CCSER1: variants seen among roughly 807,000 people sequenced by gnomAD.
The protein encoded by CCSER1 is coiled-coil serine rich protein 1, also known as serine-rich coiled-coil domain-containing protein 1.
A neutral mutation model predicts 82.0 loss-of-function variants in CCSER1; 41 were observed. The observed-to-expected ratio is 0.50, with a 90% confidence interval of 0.39 to 0.65. The LOEUF is 0.65. Ranked by LOEUF, CCSER1 falls within the 30% of genes least tolerant of loss-of-function variation. The pLI is 0.00. For synonymous variants in CCSER1, 414 were observed against 383.9 expected (o/e 1.08, Z -0.92); for missense variants, 1,119 against 1,064.2 (o/e 1.05, Z -0.72).
intron 10 of CCSER1, among the ~76,000 whole-genome samples, chr4:91,591,344 G>A (rs1461620276): frequency 6.6e-6 from 1 of 151,868 alleles, no homozygotes; most frequent in Non-Finnish European, 1.5e-5. Context: ...CCAGTATAGG[G>A]ACAATGGCTT....
At chr4:91,228,674 T>C (rs1175011038) in intron 10 of CCSER1, among the ~76,000 whole-genome samples, 2 of 152,112 alleles carry the variant, frequency 1.3e-5, no homozygotes, top group African/African-American at 2.4e-5. Flanking sequence ...ATAAACACTT[T>C]TGTATTGTTT....
chr4:91,015,012 A>C (rs908623019), intron 9 of CCSER1, among the ~76,000 whole-genome samples: 1 of 130,820 alleles, frequency 7.6e-6, no homozygotes, highest in Admixed American at 7.4e-5. Flanking sequence ...ATACAATATC[A>C]ATACAAACTT....
intron 5 of CCSER1, among the ~76,000 whole-genome samples, chr4:90,525,492 T>C (rs1191483515): frequency 6.6e-6 from 1 of 152,094 alleles, no homozygotes; most frequent in Non-Finnish European, 1.5e-5. Flanking sequence ...AAAAGGAAAA[T>C]AGTTAACAAA....
At chr4:91,102,858 A>G (rs1725218089) in intron 10 of CCSER1, among the ~76,000 whole-genome samples, 1 of 152,112 alleles carries the variant, frequency 6.6e-6, no homozygotes, top group Admixed American at 6.5e-5. Flanking sequence ...ATGAGGTTGA[A>G]CTCTTATGAT....
chr4:90,567,835 G>C (rs904524056), intron 5 of CCSER1, among the ~76,000 whole-genome samples: 6 of 151,856 alleles, frequency 4.0e-5, no homozygotes, highest in Admixed American at 3.9e-4. Flanking sequence ...TTGAACTCCT[G>C]GGCTCAAGTG....
chr4:91,401,381 CAT>C (rs901477873), intron 10 of CCSER1, among the ~76,000 whole-genome samples: 85 of 147,704 alleles, frequency 5.8e-4, no homozygotes, highest in Admixed American at 1.6e-3. Context: ...TATAATATAA[CAT>C]ATCAATATAA....
chr4:91,359,447 G>A (rs1749102659), intron 10 of CCSER1, among the ~76,000 whole-genome samples: 1 of 151,690 alleles, frequency 6.6e-6, no homozygotes, highest in African/African-American at 2.4e-5. Flanking sequence ...AATCTCATGT[G>A]GAAAACAGTG....
chr4:90,764,294 T>A (rs1276493427), intron 7 of CCSER1, among the ~76,000 whole-genome samples: 1 of 152,176 alleles, frequency 6.6e-6, no homozygotes, highest in Non-Finnish European at 1.5e-5. Context: ...TGTGTTTTAT[T>A]TGTTTGTTTT....
intron 8 of CCSER1, among the ~76,000 whole-genome samples, chr4:90,846,473 TAC>T (rs199656393): frequency 3.0e-4 from 44 of 145,734 alleles, no homozygotes; most frequent in African/African-American, 1.0e-3. Context: ...TATGTATAGG[TAC>T]ATGTGATATT....
chr4:91,449,314 A>G (rs1346857315), intron 10 of CCSER1, among the ~76,000 whole-genome samples: 4 of 152,020 alleles, frequency 2.6e-5, no homozygotes, highest in Non-Finnish European at 5.9e-5. Context: ...TTGAGTAAAA[A>G]AAATGAGAAA....
chr4:91,589,236 T>A (rs996810869), intron 10 of CCSER1, among the ~76,000 whole-genome samples: 1 of 151,844 alleles, frequency 6.6e-6, no homozygotes, highest in Non-Finnish European at 1.5e-5. Context: ...AAGGAGAGCA[T>A]ACAGAGTAAA....
At chr4:90,522,517 T>C (rs1386975468) in intron 5 of CCSER1, among the ~76,000 whole-genome samples, 1 of 152,132 alleles carries the variant, frequency 6.6e-6, no homozygotes, top group African/African-American at 2.4e-5. Flanking sequence ...TGCTAAGATA[T>C]CTCCACATGG....
At chr4:91,371,548 G>A (rs1309924633) in intron 10 of CCSER1, among the ~76,000 whole-genome samples, 2 of 152,066 alleles carry the variant, frequency 1.3e-5, no homozygotes, top group African/African-American at 4.8e-5. Context: ...TTGTGTATAT[G>A]TGGCAAATTT....
chr4:91,471,440 A>C (rs773618178), intron 10 of CCSER1, among the ~76,000 whole-genome samples: 3 of 152,144 alleles, frequency 2.0e-5, no homozygotes, highest in Non-Finnish European at 4.4e-5. Flanking sequence ...ATTCAGGTTC[A>C]CCGTGACCCA....
At chr4:90,995,704 A>G (rs1737433154) in intron 9 of CCSER1, among the ~76,000 whole-genome samples, 1 of 152,118 alleles carries the variant, frequency 6.6e-6, no homozygotes, top group East Asian at 1.9e-4. Context: ...AACATAATTA[A>G]GAAAGACTGT....
intron 7 of CCSER1, among the ~76,000 whole-genome samples, chr4:90,766,762 C>G (rs746950376): frequency 6.6e-6 from 1 of 152,150 alleles, no homozygotes; most frequent in Non-Finnish European, 1.5e-5. Flanking sequence ...TGGATTCCTT[C>G]TCTATATTCA....
intron 3 of CCSER1, among the ~76,000 whole-genome samples, chr4:90,393,966 A>AG (rs561898306): frequency 4.0e-5 from 6 of 150,818 alleles, no homozygotes; most frequent in African/African-American, 1.5e-4. Flanking sequence ...AATTGCAGAG[A>AG]GGGGGGTCTC....
intron 10 of CCSER1, among the ~76,000 whole-genome samples, chr4:91,216,747 G>A (rs13110463): frequency 0.53 from 81,188 of 151,934 alleles, 22,418 homozygotes; most frequent in East Asian, 0.91. Context: ...TTTATACTTC[G>A]TAACTAAATC....
chr4:91,398,475 C>G (rs77821831), intron 10 of CCSER1, among the ~76,000 whole-genome samples: 3,578 of 151,830 alleles, frequency 0.024, 117 homozygotes, highest in African/African-American at 0.08. Flanking sequence ...AAAGCATCCA[C>G]AAGCAATGGT....
Sources: gnomAD v4.1 joint callset for allele counts (sites outside exome capture counted in the v4.1 genomes callset) on GRCh38, gnomAD v4.1.1 for gene constraint, MANE v1.5 for transcripts, NCBI Gene and HGNC (gene_info 2026-07-23, HGNC 2026-07-21) for gene names.